Variants in SHANK2 observed in about 807,000 individuals in gnomAD.
The protein encoded by SHANK2 is SH3 and multiple ankyrin repeat domains 2, also known as SH3 and multiple ankyrin repeat domains protein 2.
A neutral mutation model predicts 133.7 loss-of-function variants in SHANK2; 43 were observed. The observed-to-expected ratio is 0.32, with a 90% CI of 0.25 to 0.41. SHANK2 has a LOEUF of 0.41. SHANK2 is among the 10% of genes least tolerant of loss of function. The pLI is 1.00. For synonymous variants in SHANK2, 1,017 were observed against 952.8 expected, an observed-to-expected ratio of 1.07 and a Z score of -1.24; for missense variants, 1,994 against 2,235.8, an observed-to-expected ratio of 0.89 and a Z score of 2.18.
chr11:70,762,421 G>GT (rs1321720914), intron 14 of SHANK2, among the ~76,000 whole-genome samples: 1 of 152,170 alleles, frequency 6.6e-6, no homozygotes, highest in East Asian at 1.9e-4. Flanking sequence ...AGGAATGTCA[G>GT]TGGTGGGGGC....
intron 12 of SHANK2, among the ~76,000 whole-genome samples, chr11:70,813,095 C>G (rs1252347024): frequency 1.3e-5 from 2 of 151,880 alleles, no homozygotes; most frequent in African/African-American, 4.8e-5. Context: ...GTCTGCAGAC[C>G]CCCGTGAATG....
chr11:70,955,422 G>GTGTGTGTGT, intron 10 of SHANK2, among the ~76,000 whole-genome samples: 1 of 146,564 alleles, frequency 6.8e-6, no homozygotes, highest in Middle Eastern at 3.5e-3. Context: ...AGACCCACGG[G>GTGTGTGTGT]GTGTGTGTGT....
intron 9 of SHANK2, among the ~76,000 whole-genome samples, chr11:71,062,844 A>C (rs1368714227): frequency 1.3e-5 from 2 of 151,928 alleles, no homozygotes; most frequent in African/African-American, 4.8e-5. Flanking sequence ...AAAAATGAAA[A>C]AAATTAGCCA....
chr11:70,853,423 C>A (rs1949120552), intron 11 of SHANK2, among the ~76,000 whole-genome samples: 1 of 152,212 alleles, frequency 6.6e-6, no homozygotes, highest in Admixed American at 6.5e-5. Context: ...CGGCCATTGT[C>A]ACCCAGTGAC....
At chr11:70,603,021 T>C (rs542429198) in intron 17 of SHANK2, among the ~76,000 whole-genome samples, 92 of 152,306 alleles carry the variant, frequency 6.0e-4, no homozygotes, top group African/African-American at 2.1e-3. Flanking sequence ...GTGGCAAATG[T>C]CCATTTACAG....
At chr11:70,493,138 G>T (rs2058919297) in intron 21 of SHANK2, among the ~76,000 whole-genome samples, 1 of 149,312 alleles carries the variant, frequency 6.7e-6, no homozygotes, top group Non-Finnish European at 1.5e-5. Flanking sequence ...TCTTGTGAGG[G>T]TTAACTAAAC....
intron 2 of SHANK2, among the ~76,000 whole-genome samples, chr11:71,180,956 T>C (rs1354458705): frequency 5.9e-5 from 9 of 151,894 alleles, no homozygotes; most frequent in African/African-American, 1.7e-4. Context: ...TCCACTTCCA[T>C]GTGGCAAATC....
At chr11:70,498,479 G>A (rs563720469) in intron 21 of SHANK2, among the ~76,000 whole-genome samples, 1 of 152,214 alleles carries the variant, frequency 6.6e-6, no homozygotes, top group Non-Finnish European at 1.5e-5. Context: ...TGCCTGGTAG[G>A]GTGAAGGCCA....
intron 14 of SHANK2, among the ~76,000 whole-genome samples, chr11:70,700,719 C>T (rs1945500666): frequency 6.6e-6 from 1 of 152,222 alleles, no homozygotes; most frequent in Admixed American, 6.5e-5. Context: ...CGTGCCTCGA[C>T]TGCAGGGATT....
intron 3 of SHANK2, among the ~76,000 whole-genome samples, chr11:71,140,580 C>T (rs1286574585): frequency 1.3e-5 from 2 of 152,222 alleles, no homozygotes; most frequent in Non-Finnish European, 2.9e-5. Flanking sequence ...TTCTACGTGG[C>T]TGATGAGAGC....
At chr11:70,632,770 A>G (rs886906484) in intron 17 of SHANK2, among the ~76,000 whole-genome samples, 1 of 152,090 alleles carries the variant, frequency 6.6e-6, no homozygotes, top group Non-Finnish European at 1.5e-5. Context: ...GCAGAAGAAC[A>G]TACTAATTGG....
At chr11:70,772,119 C>A (rs1226305491) in intron 14 of SHANK2, among the ~76,000 whole-genome samples, 1 of 152,026 alleles carries the variant, frequency 6.6e-6, no homozygotes, top group Admixed American at 6.5e-5. Flanking sequence ...GCATGGGGCC[C>A]GTGTAACAGT....
At chr11:70,636,502 C>G (rs537690533) in intron 17 of SHANK2, among the ~76,000 whole-genome samples, 26 of 135,176 alleles carry the variant, frequency 1.9e-4, no homozygotes, top group African/African-American at 6.9e-4. Context: ...AACATATGTA[C>G]GAGGATGCAT....
At chr11:70,828,574 C>T (rs2921331) in intron 11 of SHANK2, among the ~76,000 whole-genome samples, 110,114 of 152,216 alleles carry the variant, frequency 0.72, 40,665 homozygotes, top group South Asian at 0.94. Flanking sequence ...AAGCTTTCCC[C>T]CACTTCGGGA....
At chr11:70,649,574 C>T (rs782603433) in intron 17 of SHANK2, among the ~76,000 whole-genome samples, 8 of 152,036 alleles carry the variant, frequency 5.3e-5, no homozygotes, top group African/African-American at 1.2e-4. Flanking sequence ...GCACCAAAGG[C>T]GAAGAGAAAT....
intron 15 of SHANK2, among the ~76,000 whole-genome samples, chr11:70,675,225 T>C (rs573272713): frequency 1.3e-5 from 2 of 152,248 alleles, no homozygotes; most frequent in Non-Finnish European, 2.9e-5. Flanking sequence ...ACCTGAATTC[T>C]GGCTTAATGA....
chr11:70,558,202 C>T (rs192725073), intron 17 of SHANK2, among the ~76,000 whole-genome samples: 6 of 152,302 alleles, frequency 3.9e-5, no homozygotes, highest in African/African-American at 7.2e-5. Flanking sequence ...CCTGGCCCCC[C>T]GACTGGAGGC....
intron 20 of SHANK2, among the ~76,000 whole-genome samples, chr11:70,501,121 TGGGGCACGC>T (rs2059044636): frequency 6.6e-6 from 1 of 152,062 alleles, no homozygotes; most frequent in Non-Finnish European, 1.5e-5. Flanking sequence ...CCTGTGAGGC[TGGGGCACGC>T]GGGGCACTAC....
chr11:70,473,250 G>A lies in SHANK2; in HGVS notation c.5169C>T (p.Pro1723=), dbSNP rs781807271. The A allele has an allele frequency of 2.0e-5, 33 of 1,610,440 alleles. No individual in the cohort carries two copies. The highest frequency in any genetic ancestry group is 2.6e-5 in the Non-Finnish European group (31 of 1,176,964). ...SPTEMNKETL[P]APLSAATASP... is the part of the protein sequence containing the mutation. Reference sequence around the variant, plus strand: ...AGGCGGTGGCAGCAGACAGGGGGGCGGGCAGGGTCTCTTTGTTCATCTCTG... The same window carrying A: ...AGGCGGTGGCAGCAGACAGGGGGGCAGGCAGGGTCTCTTTGTTCATCTCTG... The change falls in exon 26 of 26, where the codon CCC becomes CCT. Residue 1723 remains proline (P), a synonymous_variant. Coordinates refer to ENST00000601538, the MANE Select transcript of SHANK2 (RefSeq NM_012309.5). This position sits in a 1 kb window ranked among gnomAD's most constrained non-coding sequence, Gnocchi z 5.9.
Sources: gnomAD v4.1 joint callset for allele counts (sites outside exome capture counted in the v4.1 genomes callset) on GRCh38, gnomAD v4.1.1 for gene constraint, Gnocchi (gnomAD v3.1) non-coding constraint, MANE v1.5 for transcripts, NCBI Gene and HGNC (gene_info 2026-07-23, HGNC 2026-07-21) for gene names.